The following PID1 variants were observed in gnomAD, a reference collection of about 807,000 sequenced individuals.
PID1 encodes PTB-containing, cubilin and LRP1-interacting protein.
Under a neutral mutation model 19.1 loss-of-function variants are expected in PID1, and 10 were observed. The observed-to-expected ratio is 0.52, with a 90% CI of 0.32 to 0.89. PID1 has a LOEUF of 0.89. Among genes scored for constraint, PID1 ranks in the 40% least tolerant of loss-of-function variants. The probability of loss-of-function intolerance (pLI) is 0.03; values close to 1 mark genes in which losing one functional copy is unlikely to be tolerated. For synonymous variants in PID1, 130 were observed against 116.0 expected (o/e 1.12, Z -0.78); for missense variants, 248 against 285.3 (o/e 0.87, Z 0.94).
At position 229,183,888 on chromosome 2, in the gene PID1, ATATATATATATATATATATATATCCCC is replaced by A. The variant is rs1691002600; in HGVS notation, c.31-27951_31-27925del. 3.6e-3 allele frequency among the ~76,000 whole-genome samples: 4 copies of A among 1,120 alleles called. 2 individuals carry two copies. The highest frequency in any genetic ancestry group is 5.6e-3 in the African/African-American group (4 of 712). The allele number at this position is 1,120 out of a possible 152,430, so 0.7% of individuals were successfully genotyped here. On this transcript the variant is annotated intron_variant, in intron 1 of 2. Coordinates refer to ENST00000392055, the MANE Select transcript of PID1 (RefSeq NM_001100818.2). ...TCACTCTCTCTCTTTCTATATATAT[ATATATATATATATATATATATATCCCC>A]TATATATATCCCCTATATATATCCC...
At chr2:229,183,403 T>G (rs757840089) in intron 1 of PID1, among the ~76,000 whole-genome samples, 25 of 152,216 alleles carry the variant, frequency 1.6e-4, no homozygotes, top group Non-Finnish European at 3.5e-4. Context: ...AATTGGGCCA[T>G]GGGGCCCAGG....
intron 1 of PID1, among the ~76,000 whole-genome samples, chr2:229,269,231 T>C (rs1690671484): frequency 6.6e-6 from 1 of 152,176 alleles, no homozygotes. Flanking sequence ...CATGACACCT[T>C]GAAATAAAAT....
intron 1 of PID1, among the ~76,000 whole-genome samples, chr2:229,177,684 G>C (rs1346566714): frequency 6.6e-6 from 1 of 152,120 alleles, no homozygotes. Flanking sequence ...ATGTTGATCA[G>C]ACAGACTAGG....
At chr2:229,106,183 T>C (rs1695176909) in intron 2 of PID1, among the ~76,000 whole-genome samples, 1 of 151,872 alleles carries the variant, frequency 6.6e-6, no homozygotes, top group African/African-American at 2.4e-5. Context: ...TATCATTCAA[T>C]AACAGGTTAT....
chr2:229,106,681 C>A (rs1695185570), intron 2 of PID1, among the ~76,000 whole-genome samples: 1 of 152,166 alleles, frequency 6.6e-6, no homozygotes, highest in Non-Finnish European at 1.5e-5. Flanking sequence ...TCTGCTGGTA[C>A]CTTAATCTTA....
At chr2:229,147,524 C>T (rs1047479004) in intron 2 of PID1, among the ~76,000 whole-genome samples, 7 of 151,718 alleles carry the variant, frequency 4.6e-5, no homozygotes, top group Non-Finnish European at 8.8e-5. Context: ...TTTTATTTTA[C>T]ATTATTTTAT....
At chr2:229,151,945 G>A (rs1317008743) in intron 2 of PID1, among the ~76,000 whole-genome samples, 1 of 152,196 alleles carries the variant, frequency 6.6e-6, no homozygotes, top group Non-Finnish European at 1.5e-5. Flanking sequence ...GAATGGCCCT[G>A]CAAGTCTCAA....
intron 1 of PID1, among the ~76,000 whole-genome samples, chr2:229,235,053 C>T (rs1444694352): frequency 6.6e-6 from 1 of 152,110 alleles, no homozygotes; most frequent in East Asian, 1.9e-4. Flanking sequence ...TTTTTGTCCC[C>T]TTTCTTGTCC....
chr2:229,161,117 G>A (rs1690484680), intron 1 of PID1, among the ~76,000 whole-genome samples: 1 of 152,106 alleles, frequency 6.6e-6, no homozygotes, highest in South Asian at 2.1e-4. Context: ...TCATGTCCCT[G>A]CCCAAAAGCA....
Position 229,025,235 on chromosome 2 carries a change from C to A in PID1, c.*397G>T. 5.0e-6 allele frequency: 1 copy of A among 198,264 alleles called. No homozygotes were observed. The highest frequency in any genetic ancestry group is 1.1e-5 in the Non-Finnish European group (1 of 94,592). The allele number at this position is 198,264 out of a possible 1,614,324, so 12.3% of individuals were successfully genotyped here. A position where few individuals can be genotyped will look rare whatever the true frequency, so the allele number is the denominator to read the frequency against. ...ACCCTGCCCACCCCACTAGAGATCC[C>A]ATAGGTGCCCCTAACATTCTTGTGG... is the stretch of plus-strand genomic sequence containing the variant. On this transcript the variant is annotated 3_prime_UTR_variant, in exon 3 of 3. Transcript: ENST00000392055.
intron 2 of PID1, 134 bp from the exon 3 acceptor site, chr2:229,026,242 G>A (rs775280890): frequency 1.4e-4 from 94 of 658,866 alleles, no homozygotes; most frequent in Non-Finnish European, 2.2e-4. Context: ...CTTGCTCCCT[G>A]AAAGAATAAC....
chr2:229,121,415 T>C (rs1306904260), intron 2 of PID1, among the ~76,000 whole-genome samples: 1 of 152,236 alleles, frequency 6.6e-6, no homozygotes, highest in Admixed American at 6.5e-5. Context: ...GGGAACCATG[T>C]GCCTAGGAAG....
At chr2:229,063,985 A>C (rs1694268726) in intron 2 of PID1, among the ~76,000 whole-genome samples, 1 of 152,094 alleles carries the variant, frequency 6.6e-6, no homozygotes, top group Non-Finnish European at 1.5e-5. Flanking sequence ...AGGAGACCAG[A>C]GAATCATCCT....
At chr2:229,132,537 C>G (rs1234792768) in intron 2 of PID1, among the ~76,000 whole-genome samples, 1 of 152,144 alleles carries the variant, frequency 6.6e-6, no homozygotes, top group Non-Finnish European at 1.5e-5. Flanking sequence ...GCTAGAAATT[C>G]TTAGTTTCTC....
In PID1 at chr2:229,026,083, G is replaced by A; in HGVS notation, c.203C>T (p.Thr68Ile). 2 of 1,613,918 alleles carry A rather than the reference G, an allele frequency of 1.2e-6. No individual in the cohort carries two copies. Among genetic ancestry groups the A allele is most frequent in the East Asian group, 2.2e-5 (1 of 44,872 alleles). ...GCCTGACAAAAACTGCATGCCAGTG[G>A]TGGAGACTTTGCCCAGGTAGGTAAC... Reference protein sequence around the residue: ...CKVTYLGKVSTTGMQFLSGCT... With the variant: ...CKVTYLGKVSITGMQFLSGCT... The change falls in exon 3 of 3, where the codon ACC becomes ATC. Residue 68 changes from threonine (T) to isoleucine (I), a missense_variant. Transcript: ENST00000392055.
At chr2:229,200,250 A>G (rs1178652567) in intron 1 of PID1, among the ~76,000 whole-genome samples, 2 of 152,060 alleles carry the variant, frequency 1.3e-5, no homozygotes, top group African/African-American at 4.8e-5. Context: ...ATTCCTTCTC[A>G]GGTTCTCAGG....
chr2:229,026,983 A>G (rs1438804492), intron 2 of PID1, among the ~76,000 whole-genome samples: 1 of 152,252 alleles, frequency 6.6e-6, no homozygotes, highest in East Asian at 1.9e-4. Context: ...GGCATTATGG[A>G]AAGGCATAAA....
chr2:229,102,779 G>C (rs1176008179), intron 2 of PID1, among the ~76,000 whole-genome samples: 1 of 152,204 alleles, frequency 6.6e-6, no homozygotes, highest in Non-Finnish European at 1.5e-5. Flanking sequence ...AGAGTGGGCA[G>C]AGCCAGTCAC....
chr2:229,257,256 G>A (rs1407340957), intron 1 of PID1, among the ~76,000 whole-genome samples: 1 of 152,180 alleles, frequency 6.6e-6, no homozygotes, highest in Non-Finnish European at 1.5e-5. Context: ...TCCAACCACT[G>A]CATTCCATAT....
Sources: gnomAD v4.1 joint callset for allele counts (sites outside exome capture counted in the v4.1 genomes callset) on GRCh38, gnomAD v4.1.1 for gene constraint, MANE v1.5 for transcripts, NCBI Gene and HGNC (gene_info 2026-07-23, HGNC 2026-07-21) for gene names.